Variants in CENPC observed in about 807,000 individuals in gnomAD.
CENPC encodes CENP-C 1.
Under a neutral mutation model 112.1 loss-of-function variants are expected in CENPC, and 63 were observed. That is an observed-to-expected ratio of 0.56 (90% CI 0.46 to 0.69). The LOEUF is 0.69. Among genes scored for constraint, CENPC ranks in the 30% least tolerant of loss-of-function variants. The pLI is 0.00. For synonymous variants in CENPC, 333 were observed against 367.6 expected, an observed-to-expected ratio of 0.91 and a Z score of 1.08; for missense variants, 1,000 against 1,103.8, an observed-to-expected ratio of 0.91 and a Z score of 1.33.
intron 12 of CENPC, among the ~76,000 whole-genome samples, chr4:67,497,850 A>T (rs1449961947): frequency 1.3e-5 from 2 of 151,814 alleles, no homozygotes; most frequent in Non-Finnish European, 2.9e-5. Context: ...TCTATACTAT[A>T]CTATAGTCTA....
At chr4:67,532,274 T>C (rs355480) in intron 4 of CENPC, among the ~76,000 whole-genome samples, 95,679 of 151,852 alleles carry the variant, frequency 0.63, 30,384 homozygotes, top group East Asian at 0.81. Context: ...TGTGGAGAAA[T>C]AGGAACACTT....
chr4:67,538,614 C>G (rs1407292523), intron 4 of CENPC, among the ~76,000 whole-genome samples: 1 of 152,168 alleles, frequency 6.6e-6, no homozygotes, highest in Non-Finnish European at 1.5e-5. Flanking sequence ...GGATAAAGTA[C>G]TGGACAGGAG....
At chr4:67,516,635 C>T (rs914522257) in intron 7 of CENPC, among the ~76,000 whole-genome samples, 11 of 151,662 alleles carry the variant, frequency 7.3e-5, no homozygotes, top group African/African-American at 2.7e-4. Flanking sequence ...TTAGAAAACT[C>T]TATAAAAACT....
chr4:67,532,643 G>A (rs575154823), intron 4 of CENPC, among the ~76,000 whole-genome samples: 3 of 152,006 alleles, frequency 2.0e-5, no homozygotes, highest in Non-Finnish European at 2.9e-5. Flanking sequence ...AAACTATTGC[G>A]AGGACAGAAA....
intron 12 of CENPC, among the ~76,000 whole-genome samples, chr4:67,498,804 T>G (rs1309510829): frequency 2.6e-5 from 4 of 152,224 alleles, no homozygotes; most frequent in Non-Finnish European, 4.4e-5. Context: ...CTGTTAATAT[T>G]GATATTTTGA....
At chr4:67,537,986 AAAATAAAT>A (rs559705114) in intron 4 of CENPC, among the ~76,000 whole-genome samples, 4 of 152,036 alleles carry the variant, frequency 2.6e-5, no homozygotes, top group Admixed American at 1.3e-4. Flanking sequence ...CCTGTCTCAG[AAAATAAAT>A]AAATAAATAA....
Position 67,501,832 on chromosome 4 carries a change from G to T in CENPC, c.2131+3373C>A, listed in dbSNP as rs115997531. On this transcript the variant is annotated intron_variant, in intron 12 of 18. Coordinates refer to ENST00000273853, the MANE Select transcript of CENPC (RefSeq NM_001812.4). ...GATAATAGACGTGTATTTATTAGAG[G>T]AGGCAGGGAGGGAGATGGAAAAATG... 3.8e-3 allele frequency among the ~76,000 whole-genome samples: 573 copies of T among 152,262 alleles called. 3 individuals carry two copies. Among genetic ancestry groups the T allele is most frequent in the African/African-American group, 0.013 (555 of 41,554 alleles).
At chr4:67,496,052 T>C (rs1725423225) in intron 12 of CENPC, among the ~76,000 whole-genome samples, 1 of 152,160 alleles carries the variant, frequency 6.6e-6, no homozygotes, top group Non-Finnish European at 1.5e-5. Flanking sequence ...ACAGGTTCCA[T>C]CTAGAAGTCT....
intron 10 of CENPC, among the ~76,000 whole-genome samples, 194 bp downstream of exon 10, chr4:67,508,620 T>C (rs545569950): frequency 2.0e-5 from 3 of 151,770 alleles, no homozygotes; most frequent in East Asian, 3.9e-4. Context: ...TATTTTAATA[T>C]GAGGAAACAA....
At chr4:67,501,921 A>C (rs1188615984) in intron 12 of CENPC, among the ~76,000 whole-genome samples, 1 of 90,782 alleles carries the variant, frequency 1.1e-5, no homozygotes, top group Non-Finnish European at 2.3e-5. Context: ...TATAAGACTG[A>C]AATTATTTCA....
chr4:67,493,095 C>A, intron 14 of CENPC, 98 bp from the exon 15 acceptor site: 1 of 967,362 alleles, frequency 1.0e-6, no homozygotes, highest in Non-Finnish European at 1.5e-6. Context: ...TTCAAAGTAC[C>A]AAAGAATATA....
chr4:67,500,366 A>G (rs1259332436), intron 12 of CENPC, among the ~76,000 whole-genome samples: 2 of 152,106 alleles, frequency 1.3e-5, no homozygotes, highest in Non-Finnish European at 1.5e-5. Flanking sequence ...GTGTGTGTGT[A>G]TATATATATC....
At chr4:67,496,442 C>A (rs1725433620) in intron 12 of CENPC, among the ~76,000 whole-genome samples, 1 of 152,182 alleles carries the variant, frequency 6.6e-6, no homozygotes, top group South Asian at 2.1e-4. Context: ...ACAACTGGGA[C>A]ACAATGTCCA....
chr4:67,501,238 G>A (rs1388675575), intron 12 of CENPC, among the ~76,000 whole-genome samples: 2 of 152,100 alleles, frequency 1.3e-5, no homozygotes, highest in Non-Finnish European at 2.9e-5. Flanking sequence ...AACCTGGGAG[G>A]TGGAGGTTAC....
rs2109804338 is a variant in CENPC at position 67,514,175 on chromosome 4, T to C, written c.1343A>G (p.His448Arg). 2 of 1,612,744 alleles carry C rather than the reference T, an allele frequency of 1.2e-6. No homozygotes were observed. Among genetic ancestry groups the C allele is most frequent in the Non-Finnish European group, 1.7e-6 (2 of 1,179,452 alleles). ...TCTTTGAAATTCGTCTTGGGTAATATGTGATGTATGTATGTTTTCATCTTT... is the reference window on the plus strand; with the variant it reads ...TCTTTGAAATTCGTCTTGGGTAATACGTGATGTATGTATGTTTTCATCTTT... ...QSKDENIHTSHITQDEFQRNS... is the reference protein window; with the variant it reads ...QSKDENIHTSRITQDEFQRNS... Residue 448 changes from histidine to arginine, a missense_variant, in exon 8 of 19, where the codon CAT becomes CGT. Coordinates refer to ENST00000273853, the MANE Select transcript of CENPC (RefSeq NM_001812.4).
chr4:67,470,208 A>AGTACAGG lies in CENPC; in HGVS notation c.*2396_*2397insCCTGTAC, dbSNP rs1724618142. 1 of 152,182 alleles carries AGTACAGG rather than the reference A, an allele frequency of 6.6e-6. No individual in the cohort carries two copies. The highest frequency in any genetic ancestry group is 2.4e-5 in the African/African-American group (1 of 41,432). 9.4% of individuals were successfully genotyped at this position (152,182 alleles called of 1,614,324 possible). A position where few individuals can be genotyped will look rare whatever the true frequency, so the allele number is the denominator to read the frequency against. On this transcript the variant is annotated 3_prime_UTR_variant, in exon 19 of 19. Coordinates refer to ENST00000273853, the MANE Select transcript of CENPC (RefSeq NM_001812.4). Reference sequence around the variant, plus strand: ...AGAGTACAGAGGTGGCAAAAATCAGACGTGGCTCTGACCAAGCAGAATGGA... The same window carrying AGTACAGG: ...AGAGTACAGAGGTGGCAAAAATCAGAGTACAGGCGTGGCTCTGACCAAGCAGAATGGA...
chr4:67,496,900 C>T (rs1191102403), intron 12 of CENPC, among the ~76,000 whole-genome samples: 3 of 145,956 alleles, frequency 2.1e-5, no homozygotes, highest in Non-Finnish European at 3.0e-5. Flanking sequence ...CCCACCCCCA[C>T]CCCCAAAAAT....
intron 5 of CENPC, among the ~76,000 whole-genome samples, chr4:67,523,937 C>T (rs558994084): frequency 2.6e-5 from 4 of 151,814 alleles, no homozygotes; most frequent in South Asian, 4.2e-4. Context: ...TTCTATTAGC[C>T]AAATCTGCAA....
intron 12 of CENPC, among the ~76,000 whole-genome samples, chr4:67,497,066 C>T (rs1577981576): frequency 6.6e-6 from 1 of 152,140 alleles, no homozygotes; most frequent in African/African-American, 2.4e-5. Flanking sequence ...AGGTTTCTCA[C>T]TATTTGAGAA....
Sources: allele counts gnomAD v4.1 joint callset (sites outside exome capture counted in the v4.1 genomes callset), GRCh38; gene constraint gnomAD v4.1.1; transcripts MANE v1.5; gene names NCBI Gene and HGNC (gene_info 2026-07-23, HGNC 2026-07-21).